Variants in ZNF267 observed in about 807,000 individuals in gnomAD.
ZNF267 encodes zinc finger (C2H2).
Under a neutral mutation model 71.6 loss-of-function variants are expected in ZNF267, and 61 were observed. The observed-to-expected ratio is 0.85, with a 90% confidence interval of 0.69 to 1.05. The LOEUF (loss-of-function observed/expected upper bound fraction) is 1.05, where lower values mean the gene tolerates loss of function less well. ZNF267 is among the 50% of genes least tolerant of loss of function. The pLI is 0.00. For synonymous variants in ZNF267, 288 were observed against 293.2 expected (o/e 0.98, Z 0.18); for missense variants, 852 against 870.0 (o/e 0.98, Z 0.26).
Position 31,916,028 on chromosome 16 carries a change from G to C in ZNF267, c.1779G>C (p.Val593=). The change falls in exon 4 of 4, where the codon GTG becomes GTC. Residue 593 remains valine (V), a synonymous_variant. Transcript: ENST00000300870. ...TTAGTGACTCCTCAGGTCTTACTGT[G>C]CATCGGCGAACTCATACTGGAGAGA... ...KSFSDSSGLT[V]HRRTHTGEKP... is the part of the protein sequence containing the mutation. 1 of 1,613,806 alleles carries C rather than the reference G, an allele frequency of 6.2e-7. No homozygotes were observed. The highest frequency in any genetic ancestry group is 8.5e-7 in the Non-Finnish European group (1 of 1,179,956).
rs542723278 is a variant in ZNF267, at chr16:31,900,909, C to T, written c.227-13567C>T. Among the ~76,000 whole-genome samples, 4 of 152,110 alleles carry T rather than the reference C, an allele frequency of 2.6e-5. No individual in the cohort carries two copies. In the South Asian group the frequency reaches 8.3e-4, roughly 32 times the overall value. Reference sequence around the variant, plus strand: ...TGGTGTGCTGCACCCATTAACTCGTCATTTAGCATTAGGTATATCTTCTAA... The same window carrying T: ...TGGTGTGCTGCACCCATTAACTCGTTATTTAGCATTAGGTATATCTTCTAA... On this transcript the variant is annotated intron_variant, in intron 3 of 3. Coordinates refer to ENST00000300870, the MANE Select transcript of ZNF267 (RefSeq NM_003414.6).
intron 3 of ZNF267, among the ~76,000 whole-genome samples, chr16:31,887,591 T>A (rs3913871): frequency 6.6e-6 from 1 of 152,090 alleles, no homozygotes; most frequent in African/African-American, 2.4e-5. Flanking sequence ...TAAATTTTAT[T>A]CTTTTGCAGA....
chr16:31,889,684 G>A (rs549789474), intron 3 of ZNF267, among the ~76,000 whole-genome samples: 1 of 152,266 alleles, frequency 6.6e-6, no homozygotes, highest in African/African-American at 2.4e-5. Flanking sequence ...ATTGGTAAAG[G>A]TAGAACAGGC....
chr16:31,874,879 A>G (rs1228540858), intron 1 of ZNF267, among the ~76,000 whole-genome samples: 4 of 152,156 alleles, frequency 2.6e-5, no homozygotes, highest in Non-Finnish European at 5.9e-5. Flanking sequence ...TCCCCTCTCC[A>G]GTTCACATTC....
At position 31,873,830 on chromosome 16, in the gene ZNF267, C is replaced by A; in HGVS notation, c.-137C>A. The A allele has an allele frequency of 7.9e-7, 1 of 1,262,692 alleles. No homozygotes were observed. Among genetic ancestry groups the A allele is most frequent in the Non-Finnish European group, 1.1e-6 (1 of 873,692 alleles). The allele number at this position is 1,262,692 out of a possible 1,614,324, so 78.2% of individuals were successfully genotyped here. ...CCAGTTAGAGCTCGGGTCTCCTCGC[C>A]ACAGCTCCGAGTCTTTCGTTCTGGG... On this transcript the variant is annotated 5_prime_UTR_variant, in exon 1 of 4. Transcript: ENST00000300870.
Position 31,899,500 on chromosome 16 carries a change from A to G in ZNF267, c.226+14244A>G, listed in dbSNP as rs567992734. ...TGAAACCAATGAGAACAAAGACACA[A>G]CATACCAGAATCTCTGGGACACATT... On this transcript the variant is annotated intron_variant, in intron 3 of 3. Transcript: ENST00000300870. Among the ~76,000 whole-genome samples, 11 of 152,360 alleles carry G rather than the reference A, an allele frequency of 7.2e-5. No individual in the cohort carries two copies. In the South Asian group the frequency reaches 2.3e-3, roughly 32 times the overall value.
At chr16:31,894,008 G>A (rs1411685046) in intron 3 of ZNF267, among the ~76,000 whole-genome samples, 1 of 152,230 alleles carries the variant, frequency 6.6e-6, no homozygotes, top group Non-Finnish European at 1.5e-5. Context: ...TTATAGCTAA[G>A]TCTACAGTGG....
At chr16:31,889,237 A>T (rs2083944294) in intron 3 of ZNF267, among the ~76,000 whole-genome samples, 7 of 135,926 alleles carry the variant, frequency 5.1e-5, no homozygotes, top group Admixed American at 7.4e-5. Context: ...CAGTTTTTTG[A>T]TATTTTTTAT....
intron 3 of ZNF267, among the ~76,000 whole-genome samples, chr16:31,904,337 A>G (rs981140162): frequency 1.3e-5 from 2 of 152,204 alleles, no homozygotes; most frequent in African/African-American, 4.8e-5. Context: ...ATTCCTGGAT[A>G]TCCTTGTTAA....
chr16:31,915,552 C>T lies in ZNF267; in HGVS notation c.1303C>T (p.Pro435Ser). Residue 435 changes from proline to serine, a missense_variant, in exon 4 of 4, where the codon CCT becomes TCT. By Grantham distance (74) the Pro-to-Ser change is moderately conservative. Coordinates refer to ENST00000300870, the MANE Select transcript of ZNF267 (RefSeq NM_003414.6). Reference sequence around the variant, plus strand: ...TAAGCGAATTCATACTGGAGAGAAACCTTATAAATGTAAAGAATGTGGAAA... The same window carrying T: ...TAAGCGAATTCATACTGGAGAGAAATCTTATAAATGTAAAGAATGTGGAAA... ...KHKRIHTGEK[P>S]YKCKECGKAF... The T allele has an allele frequency of 6.2e-7, 1 of 1,613,046 alleles. No individual in the cohort carries two copies. The highest frequency in any genetic ancestry group is 1.1e-5 in the South Asian group (1 of 90,964).
rs2084159131 is a variant in ZNF267 at position 31,914,619 on chromosome 16, G to A, written c.370G>A (p.Gly124Arg). ...AAGGTGGAAAAGGGAGGAGTGTGAA[G>A]GGCACAATGGATGTTATGATGAAAA... ...RKRWKREECE[G>R]HNGCYDEKTF... Residue 124 changes from glycine to arginine, a missense_variant, in exon 4 of 4, where the codon GGG (glycine) becomes AGG (arginine). Gly to Arg is a moderately radical substitution (Grantham distance 125). Coordinates refer to ENST00000300870, the MANE Select transcript of ZNF267 (RefSeq NM_003414.6). 1 of 1,613,980 alleles carries A rather than the reference G, an allele frequency of 6.2e-7. No individual in the cohort carries two copies. Among genetic ancestry groups the A allele is most frequent in the Admixed American group, 1.7e-5 (1 of 60,002 alleles).
At chr16:31,894,161 C>T (rs2083980000) in intron 3 of ZNF267, among the ~76,000 whole-genome samples, 1 of 152,186 alleles carries the variant, frequency 6.6e-6, no homozygotes, top group African/African-American at 2.4e-5. Context: ...TGGGCCATGG[C>T]TTTATGGACA....
chr16:31,915,847 C>T lies in ZNF267; in HGVS notation c.1598C>T (p.Ser533Leu). The stretch of plus-strand genomic sequence containing the variant: ...TGTGCTAAACCTTTTACTTGTTTCT[C>T]AAATCTTATTGTGCATGAGAGAATT... ...KVCAKPFTCF[S>L]NLIVHERIHT... The change falls in exon 4 of 4, where the codon TCA (serine) becomes TTA (leucine). Residue 533 changes from serine (S) to leucine (L), a missense_variant. Physicochemically the swap from Ser to Leu is moderately radical, Grantham distance 145. Coordinates refer to ENST00000300870, the MANE Select transcript of ZNF267 (RefSeq NM_003414.6). 6.2e-7 allele frequency: 1 copy of T among 1,613,590 alleles called. No individual in the cohort carries two copies. The highest frequency in any genetic ancestry group is 8.5e-7 in the Non-Finnish European group (1 of 1,179,994).
chr16:31,904,845 T>TTATGATGTTAGCTGGATG (rs1444083210), intron 3 of ZNF267, among the ~76,000 whole-genome samples: 2 of 152,222 alleles, frequency 1.3e-5, no homozygotes, highest in African/African-American at 4.8e-5. Flanking sequence ...TAGCTGGTTA[T>TTATGATGTTAGCTGGATG]TTTGCTCATT....
At chr16:31,912,479 AT>A (rs1279065398) in intron 3 of ZNF267, 1 of 151,144 alleles carries the variant, frequency 6.6e-6, no homozygotes, top group East Asian at 1.9e-4. Flanking sequence ...TTTATTCTTA[AT>A]TTTTGGGAGT....
chr16:31,900,334 C>G (rs565676562), intron 3 of ZNF267, among the ~76,000 whole-genome samples: 7 of 152,286 alleles, frequency 4.6e-5, no homozygotes, highest in African/African-American at 1.7e-4. Context: ...TTTTGTGTTC[C>G]TCCCTACCAT....
chr16:31,895,618 C>T (rs535860068), intron 3 of ZNF267, among the ~76,000 whole-genome samples: 1 of 152,298 alleles, frequency 6.6e-6, no homozygotes, highest in South Asian at 2.1e-4. Flanking sequence ...TCTTCACCTC[C>T]TCACCAACAC....
intron 3 of ZNF267, among the ~76,000 whole-genome samples, chr16:31,903,722 T>G (rs1237760390): frequency 6.6e-6 from 1 of 152,208 alleles, no homozygotes; most frequent in African/African-American, 2.4e-5. Context: ...ATTTTGTTGA[T>G]CCTTTCAAAA....
intron 3 of ZNF267, among the ~76,000 whole-genome samples, chr16:31,886,752 G>T (rs1470593156): frequency 6.6e-6 from 1 of 152,068 alleles, no homozygotes; most frequent in Non-Finnish European, 1.5e-5. Flanking sequence ...CATCCATGTT[G>T]TCAGAAATTG....
Sources: gnomAD v4.1 joint callset for allele counts (sites outside exome capture counted in the v4.1 genomes callset) on GRCh38, gnomAD v4.1.1 for gene constraint, MANE v1.5 for transcripts, NCBI Gene and HGNC (gene_info 2026-07-23, HGNC 2026-07-21) for gene names.